Variants in ITPR2 observed in about 807,000 individuals in gnomAD.
The protein encoded by ITPR2 is inositol 1,4,5-trisphosphate receptor type 2.
A neutral mutation model predicts 317.1 loss-of-function variants in ITPR2; 207 were observed. The ratio of observed to expected loss-of-function variants is 0.65; its 90% CI spans 0.58 to 0.73. ITPR2 has a LOEUF of 0.73. ITPR2 is among the 30% of genes least tolerant of loss of function. ITPR2 has a pLI of 0.00. For synonymous variants in ITPR2, 1,156 were observed against 1,149.1 expected, an observed-to-expected ratio of 1.01 and a Z score of -0.12; for missense variants, 2,613 against 3,284.0, an observed-to-expected ratio of 0.80 and a Z score of 4.99.
chr12:26,400,108 A>C lies in ITPR2; in HGVS notation c.7530+20T>G. 6.3e-7 allele frequency: 1 copy of C among 1,581,524 alleles called. No individual in the cohort carries two copies. Among genetic ancestry groups the C allele is most frequent in the Non-Finnish European group, 8.6e-7 (1 of 1,166,152 alleles). Reference sequence around the variant, plus strand: ...AAAAAAAGATGTGCTCCTTGAAAAAATACTTTTACTCTGGCTTACATCTTT... The same window carrying C: ...AAAAAAAGATGTGCTCCTTGAAAAACTACTTTTACTCTGGCTTACATCTTT... On this transcript the variant is annotated intron_variant, in intron 53 of 56. Transcript: ENST00000381340.
At chr12:26,611,061 A>G (rs80171948) in intron 26 of ITPR2, among the ~76,000 whole-genome samples, 2,105 of 152,344 alleles carry the variant, frequency 0.014, 55 homozygotes, top group African/African-American at 0.048. Flanking sequence ...AACCGTCTCA[A>G]TAAAGGGACA....
At chr12:26,519,475 T>C (rs1172258767) in intron 37 of ITPR2, among the ~76,000 whole-genome samples, 1 of 152,218 alleles carries the variant, frequency 6.6e-6, no homozygotes, top group Non-Finnish European at 1.5e-5. Context: ...TTTAATTTCA[T>C]TTCTGATTTT....
At chr12:26,629,232 A>G (rs1946691170) in intron 22 of ITPR2, among the ~76,000 whole-genome samples, 1 of 152,166 alleles carries the variant, frequency 6.6e-6, no homozygotes, top group African/African-American at 2.4e-5. Flanking sequence ...GCCTCCGCAC[A>G]GGTGCTCACA....
At chr12:26,772,756 CT>C (rs1203387407) in intron 2 of ITPR2, among the ~76,000 whole-genome samples, 1 of 149,548 alleles carries the variant, frequency 6.7e-6, no homozygotes, top group Non-Finnish European at 1.5e-5. Context: ...TCTTTTTTTA[CT>C]TTAACTTCTG....
intron 1 of ITPR2, among the ~76,000 whole-genome samples, chr12:26,827,422 CACAA>C (rs1390165118): frequency 1.3e-5 from 2 of 152,084 alleles, no homozygotes; most frequent in Non-Finnish European, 2.9e-5. Context: ...TCAAATTTTG[CACAA>C]ACAGACTGAT....
At chr12:26,714,496 T>C (rs915205175) in intron 8 of ITPR2, among the ~76,000 whole-genome samples, 54 of 152,184 alleles carry the variant, frequency 3.5e-4, no homozygotes, top group African/African-American at 1.1e-3. Flanking sequence ...TCCTTTTATT[T>C]ATTCTTTATG....
chr12:26,828,566 T>C (rs1951045188), intron 1 of ITPR2, among the ~76,000 whole-genome samples: 1 of 152,214 alleles, frequency 6.6e-6, no homozygotes, highest in Non-Finnish European at 1.5e-5. Flanking sequence ...CAGTCTGACT[T>C]CTCAGGATAA....
intron 26 of ITPR2, among the ~76,000 whole-genome samples, chr12:26,618,307 C>T (rs1946415312): frequency 6.6e-6 from 1 of 152,074 alleles, no homozygotes; most frequent in African/African-American, 2.4e-5. Flanking sequence ...ATAGCATTAC[C>T]TGACTTGAAG....
At chr12:26,657,595 A>G (rs1947400049) in intron 18 of ITPR2, 112 bp downstream of exon 18, 9 of 794,472 alleles carry the variant, frequency 1.1e-5, no homozygotes, top group South Asian at 8.8e-5. Context: ...TAGTTCTGAC[A>G]TGACTTTTAA....
intron 55 of ITPR2, among the ~76,000 whole-genome samples, chr12:26,358,753 G>A (rs577065225): frequency 6.6e-6 from 1 of 152,064 alleles, no homozygotes; most frequent in African/African-American, 2.4e-5. Context: ...GGGGCCTTAA[G>A]TGATCCAGTC....
intron 21 of ITPR2, among the ~76,000 whole-genome samples, chr12:26,653,555 T>G (rs1227825451): frequency 1.3e-5 from 2 of 152,178 alleles, no homozygotes; most frequent in Non-Finnish European, 2.9e-5. Context: ...TGCATCCGTC[T>G]AAGCTCTGCT....
intron 1 of ITPR2, among the ~76,000 whole-genome samples, chr12:26,818,425 A>G (rs545363481): frequency 6.6e-6 from 1 of 152,376 alleles, no homozygotes; most frequent in South Asian, 2.1e-4. Context: ...ACAGATAACA[A>G]TGACTTCGTT....
intron 26 of ITPR2, among the ~76,000 whole-genome samples, chr12:26,608,985 A>C (rs561799316): frequency 2.0e-5 from 3 of 152,264 alleles, no homozygotes; most frequent in African/African-American, 7.2e-5. Flanking sequence ...ACAGCAACAT[A>C]ATAGAACCCT....
intron 10 of ITPR2, among the ~76,000 whole-genome samples, chr12:26,688,335 T>C (rs1012944399): frequency 2.0e-5 from 3 of 152,192 alleles, no homozygotes; most frequent in Admixed American, 1.3e-4. Flanking sequence ...CCACTGCACC[T>C]GGCTGATATT....
intron 2 of ITPR2, among the ~76,000 whole-genome samples, chr12:26,781,895 T>C (rs1950083408): frequency 6.6e-6 from 1 of 151,368 alleles, no homozygotes; most frequent in African/African-American, 2.4e-5. Context: ...CTGTGCCGGA[T>C]GCTTCCTGCC....
chr12:26,427,594 A>T (rs967043699), intron 49 of ITPR2, among the ~76,000 whole-genome samples: 4 of 152,190 alleles, frequency 2.6e-5, no homozygotes, highest in Non-Finnish European at 4.4e-5. Context: ...TTGGAATATT[A>T]ACAATGGCTC....
chr12:26,695,081 T>C (rs2136989075), intron 10 of ITPR2, among the ~76,000 whole-genome samples: 1 of 152,268 alleles, frequency 6.6e-6, no homozygotes, highest in African/African-American at 2.4e-5. Flanking sequence ...AATGATGGAG[T>C]AATAATACCT....
intron 34 of ITPR2, among the ~76,000 whole-genome samples, chr12:26,565,480 CAG>C (rs1286986557): frequency 4.3e-5 from 6 of 139,048 alleles, no homozygotes; most frequent in Non-Finnish European, 7.8e-5. Flanking sequence ...AATAGATAGA[CAG>C]ATGATAGATA....
At chr12:26,601,275 C>T (rs1270873489) in intron 28 of ITPR2, among the ~76,000 whole-genome samples, 4 of 152,126 alleles carry the variant, frequency 2.6e-5, no homozygotes, top group Non-Finnish European at 5.9e-5. Flanking sequence ...TGCACCCATA[C>T]ATATGCATAT....
Sources: gnomAD v4.1 joint callset for allele counts (sites outside exome capture counted in the v4.1 genomes callset) on GRCh38, gnomAD v4.1.1 for gene constraint, MANE v1.5 for transcripts, NCBI Gene and HGNC (gene_info 2026-07-23, HGNC 2026-07-21) for gene names.